The following KMT2A variants were observed in gnomAD, a reference collection of about 807,000 sequenced individuals.
The protein encoded by KMT2A is histone-lysine N-methyltransferase 2A.
In KMT2A, 16 loss-of-function variants were observed where a neutral mutation model predicts 345.3. The ratio of observed to expected loss-of-function variants is 0.05; its 90% CI spans 0.03 to 0.07. The LOEUF (loss-of-function observed/expected upper bound fraction) is 0.07, where lower values mean the gene tolerates loss of function less well. KMT2A is among the 10% of genes least tolerant of loss of function. The pLI, the probability that KMT2A is intolerant of heterozygous loss-of-function variation, is 1.00. For synonymous variants in KMT2A, 1,599 were observed against 1,778.6 expected, an observed-to-expected ratio of 0.90 and a Z score of 2.54; for missense variants, 3,272 against 4,841.6, an observed-to-expected ratio of 0.68 and a Z score of 9.62.
In KMT2A at chr11:118,501,061, G is replaced by A. The variant is rs1555045451; in HGVS notation, c.6233G>A (p.Arg2078His). The change falls in exon 25 of 36, where the codon CGT (arginine) becomes CAT (histidine). Residue 2078 changes from arginine (R) to histidine (H), a missense_variant. By Grantham distance (29) the Arg-to-His change is conservative. Around this residue, in one of 27 missense-constraint regions of KMT2A, gnomAD observed 235 missense variants for 503.4 expected, o/e 0.47. Transcript: ENST00000534358. Reference sequence around the variant, plus strand: ...TATACATGCAAGATAGTGGAGTGCCGTCCTCCAGTCGTAGAGCCGGATATC... The same window carrying A: ...TATACATGCAAGATAGTGGAGTGCCATCCTCCAGTCGTAGAGCCGGATATC... ...CVYTCKIVEC[R>H]PPVVEPDINS... 13 of 1,613,948 alleles carry A rather than the reference G, an allele frequency of 8.1e-6. No individual in the cohort carries two copies. Among genetic ancestry groups the A allele is most frequent in the African/African-American group, 5.3e-5 (4 of 74,894 alleles).
chr11:118,461,874 A>G (rs1181838802), intron 1 of KMT2A, among the ~76,000 whole-genome samples: 3 of 152,160 alleles, frequency 2.0e-5, no homozygotes, highest in Non-Finnish European at 4.4e-5. Context: ...GTGCTTAAGG[A>G]GAGTGATGGA....
chr11:118,473,114 G>A lies in KMT2A; in HGVS notation c.1955G>A (p.Arg652Gln), dbSNP rs781786089. Residue 652 changes from arginine (R) to glutamine (Q), a missense_variant, in exon 3 of 36, where the codon CGA (arginine) becomes CAA (glutamine). By Grantham distance (43) the Arg-to-Gln change is conservative. Around this residue, in one of 27 missense-constraint regions of KMT2A, gnomAD observed 114 missense variants for 203.2 expected, o/e 0.56. Transcript: ENST00000534358. This position sits in a 1 kb window ranked among gnomAD's most constrained non-coding sequence, Gnocchi z 5.2. ...CGCAAACCAATATTTGATAATTTCC[G>A]ACCCCCTCCACTAACTCCCGAGGAC... ...LIRKPIFDNF[R>Q]PPPLTPEDVG... 1.9e-6 allele frequency: 3 copies of A among 1,613,952 alleles called. No individual in the cohort carries two copies. The highest frequency in any genetic ancestry group is 1.7e-6 in the Non-Finnish European group (2 of 1,180,034).
In KMT2A at chr11:118,473,314, A is replaced by G. The variant is rs1555036370; in HGVS notation, c.2155A>G (p.Ser719Gly). 1 of 1,613,918 alleles carries G rather than the reference A, an allele frequency of 6.2e-7. No homozygotes were observed. Among genetic ancestry groups the G allele is most frequent in the Non-Finnish European group, 8.5e-7 (1 of 1,179,968 alleles). ...SRIFESVTLP[S>G]NRTSAGTSSS... ...AATATTTGAGTCTGTAACCTTGCCT[A>G]GTAATCGAACTTCTGCTGGAACATC... The change falls in exon 3 of 36, where the codon AGT becomes GGT. Residue 719 changes from serine to glycine, a missense_variant. Around this residue, in one of 27 missense-constraint regions of KMT2A, gnomAD observed 114 missense variants for 203.2 expected, o/e 0.56. Transcript: ENST00000534358. The surrounding 1 kb of genome is among the most constrained non-coding windows in gnomAD (Gnocchi z 5.2).
In KMT2A at chr11:118,503,549, A is replaced by T. The variant is rs781863004; in HGVS notation, c.7657A>T (p.Ile2553Leu). 5 of 1,614,032 alleles carry T rather than the reference A, an allele frequency of 3.1e-6. No homozygotes were observed. The highest frequency in any genetic ancestry group is 2.2e-5 in the East Asian group (1 of 44,898). ...AAGTAGTCCTGCTTCCCCTTTGCAA[A>T]TAGAGTCAACATCTCCCACAGAACC... Reference protein sequence around the residue: ...KESSPASPLQIESTSPTEPIS... With the variant: ...KESSPASPLQLESTSPTEPIS... Residue 2553 changes from isoleucine (I) to leucine (L), a missense_variant, in exon 27 of 36, where the codon ATA becomes TTA. Physicochemically the swap from Ile to Leu is conservative, Grantham distance 5. Around this residue, in one of 27 missense-constraint regions of KMT2A, gnomAD observed 445 missense variants for 500.9 expected, o/e 0.89. Transcript: ENST00000534358. This position sits in a 1 kb window ranked among gnomAD's most constrained non-coding sequence, Gnocchi z 5.3.
At chr11:118,441,417 A>T (rs894315161) in intron 1 of KMT2A, among the ~76,000 whole-genome samples, 12 of 152,214 alleles carry the variant, frequency 7.9e-5, no homozygotes, top group Non-Finnish European at 1.0e-4. Context: ...TATAAGAAAA[A>T]TGAGGATAAA....
chr11:118,465,721 T>C (rs1949832086), intron 1 of KMT2A, among the ~76,000 whole-genome samples: 1 of 152,198 alleles, frequency 6.6e-6, no homozygotes, highest in Admixed American at 6.5e-5. Flanking sequence ...TATTCTATGA[T>C]TTTTTTGTTT....
At chr11:118,515,545 A>T (rs1192177374) in intron 31 of KMT2A, among the ~76,000 whole-genome samples, 1 of 152,160 alleles carries the variant, frequency 6.6e-6, no homozygotes, top group Non-Finnish European at 1.5e-5. Context: ...TTCATCTTCA[A>T]GCTGATAGCA....
chr11:118,458,118 CTG>C, intron 1 of KMT2A: 1 of 345,126 alleles, frequency 2.9e-6, no homozygotes, highest in South Asian at 2.0e-5. Context: ...GGATCTCACT[CTG>C]TCACCCAGCC....
rs1555036880 is a variant in KMT2A at position 118,474,220 on chromosome 11, A to G, written c.3061A>G (p.Lys1021Glu). The change falls in exon 3 of 36, where the codon AAG (lysine) becomes GAG (glutamate). Residue 1021 changes from lysine to glutamate, a missense_variant. Physicochemically the swap from Lys to Glu is moderately conservative, Grantham distance 56 (BLOSUM62 1). Coordinates refer to ENST00000534358, the MANE Select transcript of KMT2A (RefSeq NM_001197104.2). ...GGCAGACAAGCTTCCAATGACTGACAAGAGGGTTGCCAGCCTCCTAAAAAA... is the reference window on the plus strand; with the variant it reads ...GGCAGACAAGCTTCCAATGACTGACGAGAGGGTTGCCAGCCTCCTAAAAAA... ...AQADKLPMTD[K>E]RVASLLKKAK... 1 of 1,614,190 alleles carries G rather than the reference A, an allele frequency of 6.2e-7. No individual in the cohort carries two copies. Among genetic ancestry groups the G allele is most frequent in the Non-Finnish European group, 8.5e-7 (1 of 1,180,040 alleles).
intron 10 of KMT2A, among the ~76,000 whole-genome samples, chr11:118,485,551 A>G (rs2134316245): frequency 1.3e-5 from 2 of 152,350 alleles, no homozygotes; most frequent in African/African-American, 4.8e-5. Context: ...GTTGGTGGAA[A>G]GAAATATAGA....
intron 1 of KMT2A, among the ~76,000 whole-genome samples, chr11:118,437,502 A>C (rs1949215392): frequency 1.3e-5 from 2 of 148,796 alleles, no homozygotes. Flanking sequence ...CCAGGTCCCT[A>C]TACTGCCAGC....
rs1330874620 is a variant in KMT2A at position 118,496,899 on chromosome 11, T to A, written c.5664+532T>A. On this transcript the variant is annotated intron_variant, in intron 20 of 35. Transcript: ENST00000534358. This position sits in a 1 kb window ranked among gnomAD's most constrained non-coding sequence, Gnocchi z 4.7. ...TGGCTGTGAGGATTAAATGAAATAATGTATGTAAAGCCTCTATTTGGTGCC... is the reference window on the plus strand; with the variant it reads ...TGGCTGTGAGGATTAAATGAAATAAAGTATGTAAAGCCTCTATTTGGTGCC... Among the ~76,000 whole-genome samples the A allele has an allele frequency of 6.6e-6, 1 of 152,198 alleles. No individual in the cohort carries two copies. The highest frequency in any genetic ancestry group is 1.5e-5 in the Non-Finnish European group (1 of 68,034).
rs1555055665 is a variant in KMT2A at position 118,526,473 on chromosome 11, A to G, written c.*4301A>G. 1 of 229,796 alleles carries G rather than the reference A, an allele frequency of 4.4e-6. No homozygotes were observed. Among genetic ancestry groups the G allele is most frequent in the African/African-American group, 2.2e-5 (1 of 45,196 alleles). 14.2% of individuals were successfully genotyped at this position (229,796 alleles called of 1,614,324 possible). A position where few individuals can be genotyped will look rare whatever the true frequency, so the allele number is the denominator to read the frequency against. On this transcript the variant is annotated 3_prime_UTR_variant, in exon 36 of 36. Coordinates refer to ENST00000534358, the MANE Select transcript of KMT2A (RefSeq NM_001197104.2). ...GTTGAATAATTGTTTCAAGAGCTCA[A>G]CAGATGACAAGCTTCTTTTCTAGAA...
chr11:118,440,778 C>T (rs1406264327), intron 1 of KMT2A, among the ~76,000 whole-genome samples: 3 of 146,782 alleles, frequency 2.0e-5, no homozygotes, highest in African/African-American at 5.1e-5. Flanking sequence ...AGTAGGAGAG[C>T]GTGATTTTTT....
intron 28 of KMT2A, 93 bp downstream of exon 28, chr11:118,507,702 C>T (rs1261248061): frequency 1.3e-5 from 13 of 969,786 alleles, no homozygotes; most frequent in Non-Finnish European, 1.8e-5. Context: ...CAGTGGCTCA[C>T]GCCTGTAATC....
Position 118,436,669 on chromosome 11 carries a change from G to T in KMT2A, c.157G>T (p.Ala53Ser). Reference protein sequence around the residue: ...GPPVGGGGPGAPPSPPAVAAA... With the variant: ...GPPVGGGGPGSPPSPPAVAAA... ...CCCGGTCGGCGGTGGCGGCCCCGGG[G>T]CGCCCCCCTCCCCCCCGGCTGTGGC... Residue 53 changes from alanine to serine, a missense_variant, in exon 1 of 36, where the codon GCG becomes TCG. Transcript: ENST00000534358. This position sits in a 1 kb window ranked among gnomAD's most constrained non-coding sequence, Gnocchi z 6.9. The T allele has an allele frequency of 8.2e-7, 1 of 1,221,116 alleles. No homozygotes were observed. The highest frequency in any genetic ancestry group is 1.0e-6 in the Non-Finnish European group (1 of 978,618). 75.6% of individuals were successfully genotyped at this position (1,221,116 alleles called of 1,614,324 possible). A position where few individuals can be genotyped will look rare whatever the true frequency, so the allele number is the denominator to read the frequency against.
At chr11:118,437,098 C>G (rs1331381391) in intron 1 of KMT2A, among the ~76,000 whole-genome samples, 154 bp downstream of exon 1, 4 of 151,574 alleles carry the variant, frequency 2.6e-5, no homozygotes, top group Admixed American at 2.6e-4. Flanking sequence ...GACCCCCATG[C>G]AGGGCTGCAG....
chr11:118,501,051 G>C lies in KMT2A; in HGVS notation c.6223G>C (p.Val2075Leu). 6.2e-7 allele frequency: 1 copy of C among 1,614,118 alleles called. No homozygotes were observed. Among genetic ancestry groups the C allele is most frequent in the Non-Finnish European group, 8.5e-7 (1 of 1,179,982 alleles). Residue 2075 changes from valine (V) to leucine (L), a missense_variant, in exon 25 of 36, where the codon GTG (valine) becomes CTG (leucine). Val to Leu is a conservative substitution (Grantham distance 32). Transcript: ENST00000534358. ...RKRCVYTCKI[V>L]ECRPPVVEPD... is the part of the protein sequence containing the mutation. ...GCGCTGTGTATATACATGCAAGATA[G>C]TGGAGTGCCGTCCTCCAGTCGTAGA...
rs1555044782 is a variant in KMT2A at position 118,498,559 on chromosome 11, A to G, written c.5961+31A>G. On this transcript the variant is annotated intron_variant, in intron 22 of 35. Coordinates refer to ENST00000534358, the MANE Select transcript of KMT2A (RefSeq NM_001197104.2). This position sits in a 1 kb window ranked among gnomAD's most constrained non-coding sequence, Gnocchi z 4.4. ...AGAGCTTTAGTTGCTTTAAAAAAAA[A>G]AAAAAAGACTTTTTTAGAGCAGTTT... 2 of 1,567,820 alleles carry G rather than the reference A, an allele frequency of 1.3e-6. No individual in the cohort carries two copies. The highest frequency in any genetic ancestry group is 1.7e-6 in the Non-Finnish European group (2 of 1,164,626).
Sources: allele counts gnomAD v4.1 joint callset (sites outside exome capture counted in the v4.1 genomes callset), GRCh38; gene constraint gnomAD v4.1.1; regional missense constraint gnomAD v4.1.1; non-coding constraint Gnocchi (gnomAD v3.1); transcripts MANE v1.5; gene names NCBI Gene and HGNC (gene_info 2026-07-23, HGNC 2026-07-21).